The following ARMH4 variants were observed in gnomAD, a reference collection of about 807,000 sequenced individuals.
The protein encoded by ARMH4 is armadillo like helical domain containing 4.
Under a neutral mutation model 61.9 loss-of-function variants are expected in ARMH4, and 49 were observed. That is an observed-to-expected ratio of 0.79 (90% CI 0.63 to 1.00). ARMH4 has a LOEUF of 1.00. Among genes scored for constraint, ARMH4 ranks in the 50% least tolerant of loss-of-function variants. The pLI is 0.00. For missense variants in ARMH4, 934 were observed against 930.0 expected (o/e 1.00, Z -0.06); for synonymous variants, 368 against 341.5 (o/e 1.08, Z -0.85).
At chr14:58,146,278 A>G (rs1268555778) in intron 1 of ARMH4, among the ~76,000 whole-genome samples, 1 of 152,240 alleles carries the variant, frequency 6.6e-6, no homozygotes, top group African/African-American at 2.4e-5. Flanking sequence ...ATTATCTTCA[A>G]TTAACTCAAT....
At position 58,139,243 on chromosome 14, in the gene ARMH4, T is replaced by C. The variant is rs1332475888; in HGVS notation, c.116A>G (p.His39Arg). 13 of 1,614,094 alleles carry C rather than the reference T, an allele frequency of 8.1e-6. No individual in the cohort carries two copies. The highest frequency in any genetic ancestry group is 1.3e-5 in the African/African-American group (1 of 74,934). Reference sequence around the variant, plus strand: ...GGACTGCCCTTTTTCCGCATGAACATGTGCTATCTCCCTCCTCCTTTCTAT... The same window carrying C: ...GGACTGCCCTTTTTCCGCATGAACACGTGCTATCTCCCTCCTCCTTTCTAT... The part of the protein sequence containing the change: ...PKIERRREIA[H>R]VHAEKGQSDK... The change falls in exon 2 of 8, where the codon CAT becomes CGT. Residue 39 changes from histidine (H) to arginine (R), a missense_variant. His to Arg is a conservative substitution (Grantham distance 29). Transcript: ENST00000267485.
At chr14:58,074,418 G>A (rs1012217350) in intron 5 of ARMH4, among the ~76,000 whole-genome samples, 12 of 150,516 alleles carry the variant, frequency 8.0e-5, no homozygotes, top group Non-Finnish European at 1.3e-4. Flanking sequence ...TTAAACTGAA[G>A]CTTCTCTCCG....
At chr14:58,005,305 A>T in intron 6 of ARMH4, 123 bp from the exon 7 acceptor site, 1 of 1,257,344 alleles carries the variant, frequency 8.0e-7, no homozygotes, top group Non-Finnish European at 1.1e-6. Context: ...CTTTGTTGTA[A>T]GATAAAACTA....
At chr14:58,059,453 G>C (rs967503737) in intron 5 of ARMH4, among the ~76,000 whole-genome samples, 24 of 152,206 alleles carry the variant, frequency 1.6e-4, no homozygotes, top group Non-Finnish European at 3.4e-4. Context: ...TTTCATCAGA[G>C]TGAGCTCTAA....
chr14:58,147,481 G>T (rs970679158), intron 1 of ARMH4, among the ~76,000 whole-genome samples: 3 of 151,958 alleles, frequency 2.0e-5, no homozygotes, highest in Non-Finnish European at 2.9e-5. Flanking sequence ...CGCCCAGCTA[G>T]TTTGTGTGTT....
chr14:58,090,160 A>T lies in ARMH4; in HGVS notation c.2089+6564T>A, dbSNP rs1885510095. Among the ~76,000 whole-genome samples the T allele has an allele frequency of 2.6e-5, 4 of 152,196 alleles. No individual in the cohort carries two copies. The South Asian group carries it at 8.3e-4, about 32-fold the overall frequency. On this transcript the variant is annotated intron_variant, in intron 5 of 7. Coordinates refer to ENST00000267485, the MANE Select transcript of ARMH4 (RefSeq NM_001001872.4). ...GATGTAGACTTTTGAAAAAATAAAG[A>T]CAGCTATAATAATTCTCAATTAACA...
At chr14:58,149,319 T>G (rs1273980060) in intron 1 of ARMH4, among the ~76,000 whole-genome samples, 1 of 152,170 alleles carries the variant, frequency 6.6e-6, no homozygotes, top group Non-Finnish European at 1.5e-5. Context: ...GCAGCTATAC[T>G]TCACCATAAA....
rs987822338 is a variant in ARMH4, at chr14:58,001,612, G to T, written c.*3124C>A. Reference sequence around the variant, plus strand: ...TAATAGCCATCCCAATAGGTGTGAGGTGGTATCTCATTGTGACTTTAAATG... The same window carrying T: ...TAATAGCCATCCCAATAGGTGTGAGTTGGTATCTCATTGTGACTTTAAATG... On this transcript the variant is annotated 3_prime_UTR_variant, in exon 8 of 8. Coordinates refer to ENST00000267485, the MANE Select transcript of ARMH4 (RefSeq NM_001001872.4). 6.6e-6 allele frequency: 1 copy of T among 152,136 alleles called. No individual in the cohort carries two copies. The allele number at this position is 152,136 out of a possible 1,614,324, so 9.4% of individuals were successfully genotyped here.
chr14:58,031,386 G>C (rs958357241), intron 5 of ARMH4, among the ~76,000 whole-genome samples: 2 of 152,164 alleles, frequency 1.3e-5, no homozygotes, highest in Non-Finnish European at 2.9e-5. Flanking sequence ...AGTTTGTTAC[G>C]AAGAGGCAGC....
chr14:58,123,123 C>A (rs1422905493), intron 4 of ARMH4, among the ~76,000 whole-genome samples: 1 of 152,180 alleles, frequency 6.6e-6, no homozygotes, highest in Non-Finnish European at 1.5e-5. Context: ...GACTGAGGAG[C>A]TTTACTCTTT....
At chr14:58,078,672 T>C (rs894784775) in intron 5 of ARMH4, among the ~76,000 whole-genome samples, 1 of 152,262 alleles carries the variant, frequency 6.6e-6, no homozygotes, top group African/African-American at 2.4e-5. Flanking sequence ...TTATGGATCA[T>C]AAGGTCTCTT....
At chr14:58,120,414 G>T (rs1462582207) in intron 4 of ARMH4, among the ~76,000 whole-genome samples, 7 of 151,890 alleles carry the variant, frequency 4.6e-5, no homozygotes. Flanking sequence ...GTTTTTCTAG[G>T]ATGGAACTAA....
chr14:58,096,448 A>C (rs954009219), intron 5 of ARMH4, among the ~76,000 whole-genome samples: 2 of 152,222 alleles, frequency 1.3e-5, no homozygotes, highest in African/African-American at 4.8e-5. Context: ...AACTGTACTC[A>C]TAATAGGCAG....
chr14:58,146,839 T>C (rs1015357045), intron 1 of ARMH4, among the ~76,000 whole-genome samples: 4 of 152,198 alleles, frequency 2.6e-5, no homozygotes, highest in African/African-American at 9.7e-5. Context: ...ATATGTTAAA[T>C]CATTCTCACC....
intron 5 of ARMH4, among the ~76,000 whole-genome samples, chr14:58,050,695 A>C (rs1884108450): frequency 6.6e-6 from 1 of 151,886 alleles, no homozygotes; most frequent in South Asian, 2.1e-4. Flanking sequence ...TTTATGTAAA[A>C]TTTACCATCT....
chr14:58,042,165 A>T (rs944898173), intron 5 of ARMH4, among the ~76,000 whole-genome samples: 1 of 152,158 alleles, frequency 6.6e-6, no homozygotes, highest in Non-Finnish European at 1.5e-5. Context: ...ACCACATCAC[A>T]TTTATTCTTC....
chr14:58,076,647 T>A (rs1000978303), intron 5 of ARMH4, among the ~76,000 whole-genome samples: 3 of 152,162 alleles, frequency 2.0e-5, no homozygotes, highest in Non-Finnish European at 4.4e-5. Flanking sequence ...CTCAGTAAAG[T>A]TGTTTTTTTA....
chr14:58,105,461 G>T (rs564500110), intron 4 of ARMH4, among the ~76,000 whole-genome samples: 14 of 152,282 alleles, frequency 9.2e-5, no homozygotes, highest in African/African-American at 3.4e-4. Context: ...CGAGGCAGGT[G>T]GATCACGACG....
chr14:58,067,757 G>A (rs73308367), intron 5 of ARMH4, among the ~76,000 whole-genome samples: 1,985 of 152,276 alleles, frequency 0.013, 61 homozygotes, highest in African/African-American at 0.046. Flanking sequence ...TGGGGGAAAT[G>A]GATGAATACT....
Sources: allele counts gnomAD v4.1 joint callset (sites outside exome capture counted in the v4.1 genomes callset), GRCh38; gene constraint gnomAD v4.1.1; transcripts MANE v1.5; gene names NCBI Gene and HGNC (gene_info 2026-07-23, HGNC 2026-07-21).